The following SLC11A1 variants were observed in gnomAD, a reference collection of about 807,000 sequenced individuals.
SLC11A1 encodes the protein natural resistance-associated macrophage protein 1.
A neutral mutation model predicts 63.2 loss-of-function variants in SLC11A1; 59 were observed. The observed-to-expected ratio is 0.93, with a 90% CI of 0.76 to 1.16. SLC11A1 has a LOEUF of 1.16. Ranked by LOEUF, SLC11A1 falls within the 50% of genes most tolerant of loss-of-function variation. The pLI is 0.00. For synonymous variants in SLC11A1, 305 were observed against 307.8 expected, an observed-to-expected ratio of 0.99 and a Z score of 0.09; for missense variants, 688 against 730.7, an observed-to-expected ratio of 0.94 and a Z score of 0.67.
At chr2:218,394,397 T>C (rs1163667594) in intron 13 of SLC11A1, 8 of 690,682 alleles carry the variant, frequency 1.2e-5, no homozygotes, top group African/African-American at 9.0e-5. Flanking sequence ...TTCTAGAGCC[T>C]GAGCGCCTCA....
chr2:218,390,018 A>C lies in SLC11A1; in HGVS notation c.944A>C (p.Asn315Thr). 6.2e-7 allele frequency: 1 copy of C among 1,611,122 alleles called. No homozygotes were observed. Among genetic ancestry groups the C allele is most frequent in the Non-Finnish European group, 8.5e-7 (1 of 1,178,374 alleles). ...VFGQAFYQKT[N>T]QAAFNICANS... Reference sequence around the variant, plus strand: ...GGGCAGGCCTTCTACCAGAAAACCAACCAGGCTGCGGTGAGACACACTTTC... The same window carrying C: ...GGGCAGGCCTTCTACCAGAAAACCACCCAGGCTGCGGTGAGACACACTTTC... Residue 315 changes from asparagine to threonine, a missense_variant, in exon 9 of 15, where the codon AAC becomes ACC. By Grantham distance (65) the Asn-to-Thr change is moderately conservative (BLOSUM62 0). Transcript: ENST00000233202.
intron 13 of SLC11A1, 45 bp downstream of exon 13, chr2:218,394,238 C>A: frequency 6.4e-7 from 1 of 1,568,198 alleles, no homozygotes; most frequent in Non-Finnish European, 8.8e-7. Context: ...CACCACATTT[C>A]ATCCTCACAG....
At position 218,382,978 on chromosome 2, in the gene SLC11A1, G is replaced by A; in HGVS notation, c.26G>A (p.Arg9Lys). ...CCCACAGGTGACAAGGGTCCCCAAAGGCTAAGCGGGTCCAGCTATGGTTCC... is the reference window on the plus strand; with the variant it reads ...CCCACAGGTGACAAGGGTCCCCAAAAGCTAAGCGGGTCCAGCTATGGTTCC... MTGDKGPQRLSGSSYGSIS... is the reference protein window; with the variant it reads MTGDKGPQKLSGSSYGSIS... Residue 9 changes from arginine (R) to lysine (K), a missense_variant, in exon 2 of 15, where the codon AGG (arginine) becomes AAG (lysine). Transcript: ENST00000233202. The A allele has an allele frequency of 1.2e-6, 2 of 1,614,082 alleles. No individual in the cohort carries two copies. Among genetic ancestry groups the A allele is most frequent in the Non-Finnish European group, 1.7e-6 (2 of 1,179,994 alleles).
At chr2:218,389,754 C>T (rs978940169) in intron 8 of SLC11A1, 116 bp from the exon 9 acceptor site, 28 of 1,079,996 alleles carry the variant, frequency 2.6e-5, no homozygotes, top group Non-Finnish European at 3.3e-5. Flanking sequence ...CAGACTGCCA[C>T]GCAGGGGACT....
Position 218,394,802 on chromosome 2 carries a change from G to A in SLC11A1, c.1542+17G>A, listed in dbSNP as rs1696663937. 2 of 1,610,558 alleles carry A rather than the reference G, an allele frequency of 1.2e-6. No homozygotes were observed. The highest frequency in any genetic ancestry group is 1.3e-5 in the African/African-American group (1 of 74,948). On this transcript the variant is annotated intron_variant, in intron 14 of 14. Transcript: ENST00000233202. ...ACCTACCTGGTACAGTAGGGCCAGG[G>A]GATGCCTTGGGAATGGATGAGGGAA...
rs577631055 is a variant in SLC11A1 at position 218,390,399 on chromosome 2, G to T, written c.954+371G>T. ...GCATTAGCCCAGGTGGTCAGGAAAG[G>T]CTTCTTGGAAGAGATGACATTTGTG... On this transcript the variant is annotated intron_variant, in intron 9 of 14. Transcript: ENST00000233202. Among the ~76,000 whole-genome samples, 5 of 152,290 alleles carry T rather than the reference G, an allele frequency of 3.3e-5. No individual in the cohort carries two copies. The South Asian group carries it at 1.0e-3, about 32-fold the overall frequency.
chr2:218,382,358 T>A lies in SLC11A1; in HGVS notation c.-11T>A. On this transcript the variant is annotated 5_prime_UTR_variant, in exon 1 of 15. Transcript: ENST00000233202. ...GCTCACACTCCCAGAGTACCTGAAGTCGGCATTTCAATGACAGGTGAGTAG... is the reference window on the plus strand; with the variant it reads ...GCTCACACTCCCAGAGTACCTGAAGACGGCATTTCAATGACAGGTGAGTAG... 2 of 1,613,176 alleles carry A rather than the reference T, an allele frequency of 1.2e-6. No individual in the cohort carries two copies. The highest frequency in any genetic ancestry group is 1.7e-6 in the Non-Finnish European group (2 of 1,179,492).
intron 1 of SLC11A1, among the ~76,000 whole-genome samples, 183 bp downstream of exon 1, chr2:218,382,558 C>T (rs1370121373): frequency 6.6e-6 from 1 of 152,198 alleles, no homozygotes; most frequent in Admixed American, 6.5e-5. Flanking sequence ...TGGGTGGAGT[C>T]CTTCACACCC....
intron 6 of SLC11A1, 125 bp from the exon 7 acceptor site, chr2:218,387,440 T>C: frequency 2.9e-6 from 3 of 1,027,192 alleles, no homozygotes; most frequent in Non-Finnish European, 4.5e-6. Context: ...GAAGACTGAG[T>C]GAGGTAACAT....
Position 218,384,122 on chromosome 2 carries a change from C to A in SLC11A1, c.151-121C>A. 2.8e-6 allele frequency: 3 copies of A among 1,078,100 alleles called. No homozygotes were observed. Among genetic ancestry groups the A allele is most frequent in the African/African-American group, 1.6e-5 (1 of 62,466 alleles). The allele number at this position is 1,078,100 out of a possible 1,614,324, so 66.8% of individuals were successfully genotyped here. The stretch of plus-strand genomic sequence containing the variant: ...CTTGGGTGGCAGACCCAGGAATGGG[C>A]CATGGAGGGCAGGGCTGGGCTGATG... On this transcript the variant is annotated intron_variant, in intron 2 of 14. Coordinates refer to ENST00000233202, the MANE Select transcript of SLC11A1 (RefSeq NM_000578.4). This position sits in a 1 kb window ranked among gnomAD's most constrained non-coding sequence, Gnocchi z 4.0.
At position 218,395,135 on chromosome 2, in the gene SLC11A1, C is replaced by G; in HGVS notation, c.*100C>G. ...GGCAGCAGGATAGAGTGGGACAGTT[C>G]CTGAGACCAGCCAACCTGGGGGCTT... On this transcript the variant is annotated 3_prime_UTR_variant, in exon 15 of 15. Coordinates refer to ENST00000233202, the MANE Select transcript of SLC11A1 (RefSeq NM_000578.4). 1.1e-6 allele frequency: 1 copy of G among 888,754 alleles called. No homozygotes were observed. The highest frequency in any genetic ancestry group is 2.7e-5 in the East Asian group (1 of 37,472). 55.1% of individuals were successfully genotyped at this position (888,754 alleles called of 1,614,324 possible).
chr2:218,383,057 A>G lies in SLC11A1; in HGVS notation c.105A>G (p.Arg35=), dbSNP rs756418642. 2 of 1,614,056 alleles carry G rather than the reference A, an allele frequency of 1.2e-6. No individual in the cohort carries two copies. Among genetic ancestry groups the G allele is most frequent in the Non-Finnish European group, 1.7e-6 (2 of 1,179,984 alleles). ...TSPGPQQAPP[R]ETYLSEKIPI... is the part of the protein sequence containing the mutation. ...CAGGGCCACAGCAAGCACCTCCCAG[A>G]GAGACCTACCTGAGTGAGAAGATCC... Residue 35 remains arginine (R), a synonymous_variant, in exon 2 of 15, where the codon AGA becomes AGG. Coordinates refer to ENST00000233202, the MANE Select transcript of SLC11A1 (RefSeq NM_000578.4).
Position 218,394,793 on chromosome 2 carries a change from A to G in SLC11A1, c.1542+8A>G. The G allele has an allele frequency of 6.2e-7, 1 of 1,611,524 alleles. No homozygotes were observed. The highest frequency in any genetic ancestry group is 1.3e-5 in the African/African-American group (1 of 75,054). On this transcript the variant is annotated splice_region_variant and intron_variant, in intron 14 of 14. Transcript: ENST00000233202. ...GGCCTCAGCACCTACCTGGTACAGT[A>G]GGGCCAGGGGATGCCTTGGGAATGG...
At position 218,391,437 on chromosome 2, in the gene SLC11A1, T is replaced by C. The variant is rs1184204994; in HGVS notation, c.1106T>C (p.Leu369Pro). ...AALYIWAIGL[L>P]AAGQSSTMTG... ...CTCTACATCTGGGCCATAGGTCTCC[T>C]GGCGGCTGGGCAGAGCTCCACCATG... Residue 369 changes from leucine to proline, a missense_variant, in exon 11 of 15, where the codon CTG becomes CCG. Leu to Pro is a moderately conservative substitution (Grantham distance 98). Transcript: ENST00000233202. 13 of 1,613,474 alleles carry C rather than the reference T, an allele frequency of 8.1e-6. No homozygotes were observed. The highest frequency in any genetic ancestry group is 1.3e-5 in the African/African-American group (1 of 74,920).
chr2:218,390,967 A>G (rs991836093), intron 9 of SLC11A1, among the ~76,000 whole-genome samples: 2 of 152,154 alleles, frequency 1.3e-5, no homozygotes. Flanking sequence ...GGCTCGCTTG[A>G]GCCCGGGAGT....
rs17229009 is a variant in SLC11A1, at chr2:218,395,295, A to AAAAC, written c.*269_*272dup. The stretch of plus-strand genomic sequence containing the variant: ...AACACAGTGTCTGGCACTTGGGACA[A>AAAAC]AAACAAACAAACGAAAAACATTTCA... On this transcript the variant is annotated 3_prime_UTR_variant, in exon 15 of 15. Coordinates refer to ENST00000233202, the MANE Select transcript of SLC11A1 (RefSeq NM_000578.4). 0.31 allele frequency: 135,696 copies of AAAAC among 430,974 alleles called. 23,332 individuals carry two copies. The highest frequency in any genetic ancestry group is 0.38 in the African/African-American group (19,262 of 50,110). The allele number at this position is 430,974 out of a possible 1,614,324, so 26.7% of individuals were successfully genotyped here.
At chr2:218,394,455 T>C (rs1696639505) in intron 13 of SLC11A1, 177 bp from the exon 14 acceptor site, 2 of 759,330 alleles carry the variant, frequency 2.6e-6, no homozygotes, top group Non-Finnish European at 4.2e-6. Context: ...GTGTGTAGCC[T>C]GGAGGGCCCA....
chr2:218,395,977 G>A lies in SLC11A1; in HGVS notation c.*942G>A, dbSNP rs186825494. The A allele has an allele frequency of 1.4e-4, 21 of 152,520 alleles. No individual in the cohort carries two copies. Among genetic ancestry groups the A allele is most frequent in the Middle Eastern group, 3.4e-3 (1 of 294 alleles). 9.4% of individuals were successfully genotyped at this position (152,520 alleles called of 1,614,324 possible). On this transcript the variant is annotated 3_prime_UTR_variant, in exon 15 of 15. Transcript: ENST00000233202. ...AGGCACCAGGTCATAAGGAACCCAA[G>A]AGTCTGTGCCTCTGAGGCCCAAATT...
chr2:218,389,837 T>A (rs1440282170), intron 8 of SLC11A1, 33 bp from the exon 9 acceptor site: 1 of 1,585,280 alleles, frequency 6.3e-7, no homozygotes, highest in African/African-American at 1.3e-5. Context: ...TCTGAGGGAC[T>A]TTGGCACTTC....
Sources: gnomAD v4.1 joint callset for allele counts (sites outside exome capture counted in the v4.1 genomes callset) on GRCh38, gnomAD v4.1.1 for gene constraint, Gnocchi (gnomAD v3.1) non-coding constraint, MANE v1.5 for transcripts, NCBI Gene and HGNC (gene_info 2026-07-23, HGNC 2026-07-21) for gene names.